Variants in TENM1 observed in about 807,000 individuals in gnomAD.
TENM1 encodes teneurin transmembrane protein 1, also known as teneurin-1.
In TENM1, 35 loss-of-function variants were observed where a neutral mutation model predicts 174.8. The ratio of observed to expected loss-of-function variants is 0.20; its 90% CI spans 0.15 to 0.27. The LOEUF (loss-of-function observed/expected upper bound fraction) is 0.27. Among genes scored for constraint, TENM1 ranks in the 10% least tolerant of loss-of-function variants. The pLI, the probability that TENM1 is intolerant of heterozygous loss-of-function variation, is 1.00. For missense variants in TENM1, 1,633 were observed against 2,130.1 expected, an observed-to-expected ratio of 0.77 and a Z score of 4.59; for synonymous variants, 781 against 798.7, an observed-to-expected ratio of 0.98 and a Z score of 0.37.
intron 11 of TENM1, among the ~76,000 whole-genome samples, chrX:124,614,243 C>T (rs962938114): frequency 4.5e-5 from 5 of 111,401 alleles, no homozygotes; most frequent in African/African-American, 6.5e-5. Context: ...GTTCCACAAA[C>T]GTTAAGGATG....
intron 3 of TENM1, among the ~76,000 whole-genome samples, chrX:124,759,026 G>A (rs2054339894): frequency 1.8e-5 from 2 of 111,787 alleles, no homozygotes; most frequent in African/African-American, 6.5e-5. Flanking sequence ...TTAAAATTAA[G>A]ATGGTATATT....
chrX:124,983,614 G>GT, the TENM1 span, among the ~76,000 whole-genome samples: 1,996 of 110,739 alleles, frequency 0.018, 22 homozygotes, highest in Non-Finnish European at 0.029. Flanking sequence ...GTGATATGAA[G>GT]TTTTTTTGTT....
chrX:124,494,580 T>C (rs2047145446), intron 20 of TENM1, among the ~76,000 whole-genome samples: 1 of 110,261 alleles, frequency 9.1e-6, no homozygotes, highest in Non-Finnish European at 1.9e-5. Context: ...GTTACATATG[T>C]ATACATGTGC....
At chrX:125,021,817 T>C in the TENM1 span, among the ~76,000 whole-genome samples, 1 of 112,944 alleles carries the variant, frequency 8.9e-6, no homozygotes, top group Non-Finnish European at 1.9e-5. Flanking sequence ...GTTTTAACAA[T>C]TTAAAAAGGT....
chrX:124,800,933 G>A (rs751380718), intron 3 of TENM1, among the ~76,000 whole-genome samples: 7 of 112,083 alleles, frequency 6.2e-5, no homozygotes, highest in African/African-American at 1.9e-4. Flanking sequence ...TTAATCCTGA[G>A]TTCTAATTTG....
At chrX:124,388,744 T>G (rs1208097848) in intron 28 of TENM1, among the ~76,000 whole-genome samples, 1 of 112,016 alleles carries the variant, frequency 8.9e-6, no homozygotes, top group Non-Finnish European at 1.9e-5. Context: ...ATTTGAAAAG[T>G]TAAAGCATTT....
intron 27 of TENM1, among the ~76,000 whole-genome samples, chrX:124,398,342 ATT>A (rs200247452): frequency 9.5e-6 from 1 of 105,524 alleles, no homozygotes; most frequent in African/African-American, 3.4e-5. Context: ...AATTCCACAG[ATT>A]TTTTTTTTTA....
rs191394159 is a variant in TENM1 at position 124,884,996 on chromosome X, G to A, written c.535+9300C>T. The stretch of plus-strand genomic sequence containing the variant: ...GTAAGCATGTTATTAATACTTCACC[G>A]AATATTGTAGGCAATTATAACACAA... On this transcript the variant is annotated intron_variant, in intron 3 of 31. Coordinates refer to ENST00000422452, the Ensembl canonical transcript of TENM1. Among the ~76,000 whole-genome samples the A allele has an allele frequency of 1.3e-4, 14 of 111,217 alleles. No homozygotes were observed. In the South Asian group the frequency reaches 1.5e-3, roughly 12 times the overall value.
At chrX:124,455,111 G>A (rs765948636) in intron 22 of TENM1, among the ~76,000 whole-genome samples, 47 of 112,090 alleles carry the variant, frequency 4.2e-4, no homozygotes, top group Admixed American at 2.7e-3. Context: ...GATTAATCCT[G>A]ATGTTTGATT....
chrX:124,644,523 G>A (rs1025114130), intron 10 of TENM1, among the ~76,000 whole-genome samples: 4 of 110,070 alleles, frequency 3.6e-5, no homozygotes, highest in Admixed American at 9.9e-5. Context: ...TTTCCAGTGC[G>A]TCTCTTTAAA....
chrX:124,607,379 T>C (rs767532762), intron 11 of TENM1, among the ~76,000 whole-genome samples: 23 of 110,903 alleles, frequency 2.1e-4, no homozygotes, highest in Middle Eastern at 9.3e-3. Flanking sequence ...AGGGAAAGCC[T>C]CTCTAATAAT....
chrX:124,418,469 C>T (rs2060617386), intron 25 of TENM1, among the ~76,000 whole-genome samples: 1 of 109,834 alleles, frequency 9.1e-6, no homozygotes, highest in Admixed American at 9.8e-5. Flanking sequence ...GAAATAAAAA[C>T]CTCTTCTGCT....
At chrX:124,467,857 C>T (rs970478507) in intron 22 of TENM1, among the ~76,000 whole-genome samples, 4 of 110,076 alleles carry the variant, frequency 3.6e-5, no homozygotes, top group Admixed American at 9.7e-5. Flanking sequence ...CTCCCAGGTT[C>T]GAGTGATTCT....
the TENM1 span, among the ~76,000 whole-genome samples, chrX:125,038,324 T>C: frequency 9.0e-6 from 1 of 110,517 alleles, no homozygotes; most frequent in Non-Finnish European, 1.9e-5. Context: ...TACTTTGAGT[T>C]CTGTGACGTC....
intron 3 of TENM1, among the ~76,000 whole-genome samples, chrX:124,783,624 T>C (rs1390002655): frequency 6.3e-5 from 7 of 111,712 alleles, no homozygotes; most frequent in African/African-American, 2.3e-4. Context: ...CGATGACCTT[T>C]AGGAACTGGA....
intron 3 of TENM1, among the ~76,000 whole-genome samples, chrX:124,765,683 T>G (rs2054524366): frequency 8.9e-6 from 1 of 112,417 alleles, no homozygotes; most frequent in Non-Finnish European, 1.9e-5. Context: ...TGCCAAAGGC[T>G]AACTTCAGCA....
intron 3 of TENM1, among the ~76,000 whole-genome samples, chrX:124,753,178 T>C (rs2054128563): frequency 9.1e-6 from 1 of 110,148 alleles, no homozygotes; most frequent in Non-Finnish European, 1.9e-5. Context: ...CAGTGGTTTG[T>C]AGTTCTCCTT....
At chrX:124,677,142 TCTTA>T (rs976088533) in intron 5 of TENM1, among the ~76,000 whole-genome samples, 2 of 111,680 alleles carry the variant, frequency 1.8e-5, no homozygotes, top group African/African-American at 6.5e-5. Context: ...TTCACCTGTT[TCTTA>T]CTTTTTTAAT....
chrX:124,809,843 G>GGAGA (rs4027522), intron 3 of TENM1, among the ~76,000 whole-genome samples: 34,066 of 78,309 alleles, frequency 0.44, 6,556 homozygotes, highest in South Asian at 0.61. Flanking sequence ...CATGACAGCA[G>GGAGA]GAGAGAGAGA....
Sources: gnomAD v4.1 joint callset for allele counts (sites outside exome capture counted in the v4.1 genomes callset) on GRCh38, gnomAD v4.1.1 for gene constraint, MANE v1.5 for transcripts, NCBI Gene and HGNC (gene_info 2026-07-23, HGNC 2026-07-21) for gene names.